MAD1L1: variants seen among roughly 807,000 people sequenced by gnomAD.
MAD1L1 encodes the protein mitotic spindle assembly checkpoint protein MAD1.
MAD1L1 carries 95 observed loss-of-function variants against 96.9 expected under a neutral mutation model. The observed-to-expected ratio is 0.98, with a 90% CI of 0.83 to 1.16. The LOEUF (loss-of-function observed/expected upper bound fraction) is 1.16, where lower values mean the gene tolerates loss of function less well. Ranked by LOEUF, MAD1L1 falls within the 50% of genes most tolerant of loss-of-function variation. MAD1L1 has a pLI of 0.00. For missense variants in MAD1L1, 1,007 were observed against 954.4 expected (o/e 1.06, Z -0.73); for synonymous variants, 473 against 396.6 (o/e 1.19, Z -2.29).
At chr7:2,044,912 C>T (rs1016781276) in intron 12 of MAD1L1, among the ~76,000 whole-genome samples, 2 of 152,192 alleles carry the variant, frequency 1.3e-5, no homozygotes, top group African/African-American at 2.4e-5. Context: ...ACCCGAGCCC[C>T]GGGCCAGGCC....
intron 17 of MAD1L1, among the ~76,000 whole-genome samples, chr7:1,920,101 G>A (rs1788683727): frequency 6.6e-6 from 1 of 152,210 alleles, no homozygotes; most frequent in Admixed American, 6.5e-5. Flanking sequence ...CAGAAGCCGG[G>A]GCTGTGTGGG....
intron 12 of MAD1L1, among the ~76,000 whole-genome samples, chr7:2,024,779 C>CTGTA (rs1201447879): frequency 6.6e-6 from 1 of 152,170 alleles, no homozygotes; most frequent in African/African-American, 2.4e-5. Context: ...AAAAAACAGG[C>CTGTA]TGTATCTATG....
intron 11 of MAD1L1, among the ~76,000 whole-genome samples, chr7:2,102,261 A>G (rs73038456): frequency 0.027 from 3,900 of 146,556 alleles, 93 homozygotes; most frequent in South Asian, 0.087. Flanking sequence ...TGTCACCATC[A>G]CCACCATCAC....
chr7:1,994,308 C>T (rs905654812), intron 14 of MAD1L1, among the ~76,000 whole-genome samples: 3 of 152,172 alleles, frequency 2.0e-5, no homozygotes, highest in East Asian at 3.9e-4. Flanking sequence ...AGCGTGTCTG[C>T]GATGCAGGGG....
intron 1 of MAD1L1, among the ~76,000 whole-genome samples, chr7:2,231,073 G>C (rs549410819): frequency 8.5e-5 from 13 of 152,314 alleles, no homozygotes; most frequent in Non-Finnish European, 1.6e-4. Flanking sequence ...AGCACTTCGG[G>C]AGGCGGAGGC....
intron 17 of MAD1L1, among the ~76,000 whole-genome samples, chr7:1,909,915 G>A (rs1002877520): frequency 4.6e-5 from 7 of 152,282 alleles, no homozygotes; most frequent in South Asian, 4.1e-4. Context: ...CGGAGGAGCC[G>A]CTCCCTGGCC....
chr7:2,129,396 C>A (rs917286376), intron 11 of MAD1L1, among the ~76,000 whole-genome samples: 4 of 152,346 alleles, frequency 2.6e-5, no homozygotes, highest in East Asian at 1.9e-4. Context: ...CAGGCACGAG[C>A]AGGCCAAGCC....
chr7:2,008,217 G>A (rs1782123997), intron 13 of MAD1L1, among the ~76,000 whole-genome samples: 1 of 152,230 alleles, frequency 6.6e-6, no homozygotes, highest in Non-Finnish European at 1.5e-5. Context: ...CACAGCCCGT[G>A]TGTGCACTGG....
chr7:1,832,778 C>T (rs1310502842), intron 18 of MAD1L1, among the ~76,000 whole-genome samples: 2 of 146,574 alleles, frequency 1.4e-5, no homozygotes, highest in African/African-American at 2.5e-5. Context: ...ATTACAGGTA[C>T]GTGCCACCAT....
intron 14 of MAD1L1, among the ~76,000 whole-genome samples, chr7:1,993,052 G>A (rs910035767): frequency 4.6e-5 from 7 of 152,172 alleles, no homozygotes; most frequent in African/African-American, 9.7e-5. Context: ...TAAATGAACC[G>A]ATTTCCTTTC....
At chr7:1,958,300 G>T (rs143755692) in intron 15 of MAD1L1, among the ~76,000 whole-genome samples, 235 of 152,274 alleles carry the variant, frequency 1.5e-3, no homozygotes, top group Admixed American at 3.7e-3. Flanking sequence ...CTCCATGGCC[G>T]CAACCGGAAT....
chr7:2,231,914 T>C lies in MAD1L1; in HGVS notation c.-190+958A>G, dbSNP rs577404683. Among the ~76,000 whole-genome samples, 7 of 152,240 alleles carry C rather than the reference T, an allele frequency of 4.6e-5. No homozygotes were observed. The East Asian group carries it at 1.4e-3, about 29-fold the overall frequency. ...CCTCAAGTCTTCCACCGCTAGATGA[T>C]GGGAATACGGCTGCAGGTTGACCAG... On this transcript the variant is annotated intron_variant, in intron 1 of 18. Transcript: ENST00000265854.
chr7:1,966,662 C>T (rs1562568349), intron 15 of MAD1L1, among the ~76,000 whole-genome samples: 1 of 150,306 alleles, frequency 6.7e-6, no homozygotes, highest in Admixed American at 6.6e-5. Flanking sequence ...CACATCCAAA[C>T]GAAACTGCTG....
At chr7:1,860,285 C>G (rs575861900) in intron 18 of MAD1L1, among the ~76,000 whole-genome samples, 1 of 138,568 alleles carries the variant, frequency 7.2e-6, no homozygotes, top group Non-Finnish European at 1.5e-5. Flanking sequence ...TCCTGCGGGG[C>G]GGCCTCTGTG....
intron 11 of MAD1L1, among the ~76,000 whole-genome samples, chr7:2,120,560 A>G (rs977186852): frequency 6.6e-6 from 1 of 151,534 alleles, no homozygotes. Flanking sequence ...CTTCTGCCAG[A>G]CTCCCCGTGC....
At chr7:1,877,440 T>A (rs996182099) in intron 18 of MAD1L1, among the ~76,000 whole-genome samples, 1 of 151,014 alleles carries the variant, frequency 6.6e-6, no homozygotes, top group Non-Finnish European at 1.5e-5. Context: ...AATAAGCCAA[T>A]GTTGGAGAAA....
At chr7:2,171,501 GGGT>G (rs1790703738) in intron 10 of MAD1L1, among the ~76,000 whole-genome samples, 1 of 137,008 alleles carries the variant, frequency 7.3e-6, no homozygotes, top group South Asian at 2.1e-4. Flanking sequence ...AGCAGCCGGA[GGGT>G]GGAGATGGGA....
At chr7:2,109,430 G>C (rs568959034) in intron 11 of MAD1L1, 1 of 152,334 alleles carries the variant, frequency 6.6e-6, no homozygotes, top group East Asian at 1.9e-4. Flanking sequence ...GGACACTCAA[G>C]AGTGGGGCCC....
intron 14 of MAD1L1, among the ~76,000 whole-genome samples, chr7:1,985,764 A>G (rs2128486383): frequency 7.9e-6 from 1 of 127,248 alleles, no homozygotes; most frequent in South Asian, 3.1e-4. Flanking sequence ...CTCCCCGTGC[A>G]TCCGGTCACC....
Sources: gnomAD v4.1 joint callset for allele counts (sites outside exome capture counted in the v4.1 genomes callset) on GRCh38, gnomAD v4.1.1 for gene constraint, MANE v1.5 for transcripts, NCBI Gene and HGNC (gene_info 2026-07-23, HGNC 2026-07-21) for gene names.